The following RNF122 variants were observed in gnomAD, a reference collection of about 807,000 sequenced individuals.
RNF122 encodes the protein ring finger protein 122.
In RNF122, 17 loss-of-function variants were observed where a neutral mutation model predicts 24.2. The ratio of observed to expected loss-of-function variants is 0.70; its 90% CI spans 0.48 to 1.06. The LOEUF (loss-of-function observed/expected upper bound fraction) is 1.06, where lower values mean the gene tolerates loss of function less well. Among genes scored for constraint, RNF122 ranks in the 50% least tolerant of loss-of-function variants. RNF122 has a pLI of 0.00. For synonymous variants in RNF122, 65 were observed against 71.8 expected (o/e 0.91, Z 0.48); for missense variants, 168 against 198.1 (o/e 0.85, Z 0.91).
intron 2 of RNF122, 95 bp downstream of exon 2, chr8:33,558,520 G>T: frequency 9.5e-7 from 1 of 1,048,206 alleles, no homozygotes; most frequent in Non-Finnish European, 1.3e-6. Flanking sequence ...TAAGACTGGT[G>T]ACTCTGCTGT....
In RNF122 at chr8:33,556,095, G is replaced by T. The variant is rs147687474; in HGVS notation, c.182+2520C>A. 5.5e-3 allele frequency among the ~76,000 whole-genome samples: 826 copies of T among 150,592 alleles called. 7 individuals carry two copies. Among genetic ancestry groups the T allele is most frequent in the African/African-American group, 0.019 (761 of 40,828 alleles). The stretch of plus-strand genomic sequence containing the variant: ...CTCGGGAGACTGAGTTGGGAGGATG[G>T]CTTGGGCCCGGGAGGTGGAGGTTGC... On this transcript the variant is annotated intron_variant, in intron 2 of 5. Coordinates refer to ENST00000256257, the MANE Select transcript of RNF122 (RefSeq NM_024787.3).
intron 1 of RNF122, among the ~76,000 whole-genome samples, 198 bp from the exon 2 acceptor site, chr8:33,558,969 T>C (rs997011616): frequency 1.3e-5 from 2 of 152,150 alleles, no homozygotes; most frequent in African/African-American, 2.4e-5. Flanking sequence ...AATTGAATAC[T>C]ATCCAAAATA....
At position 33,566,926 on chromosome 8, in the gene RNF122, G is replaced by A. The variant is rs571194972; in HGVS notation, c.-203C>T. On this transcript the variant is annotated 5_prime_UTR_variant, in exon 1 of 6. Coordinates refer to ENST00000256257, the MANE Select transcript of RNF122 (RefSeq NM_024787.3). ...TCAGCCCAACAAAGAGGGACGAGGAGGAAACAAACAAAGTCCCGCGGAGCA... is the reference window on the plus strand; with the variant it reads ...TCAGCCCAACAAAGAGGGACGAGGAAGAAACAAACAAAGTCCCGCGGAGCA... 22 of 618,582 alleles carry A rather than the reference G, an allele frequency of 3.6e-5. 1 individual carries two copies. In the African/African-American group the frequency reaches 3.9e-4, roughly 11 times the overall value. 38.3% of individuals were successfully genotyped at this position (618,582 alleles called of 1,614,324 possible).
chr8:33,564,974 C>G (rs1810600096), intron 1 of RNF122, among the ~76,000 whole-genome samples: 1 of 152,236 alleles, frequency 6.6e-6, no homozygotes, highest in African/African-American at 2.4e-5. Context: ...ACAGCTGCCT[C>G]ATTTCTCCCT....
At chr8:33,559,840 GT>G (rs34393992) in intron 1 of RNF122, among the ~76,000 whole-genome samples, 67,852 of 131,366 alleles carry the variant, frequency 0.52, 17,089 homozygotes, top group African/African-American at 0.55. Flanking sequence ...GACCTACGCT[GT>G]TTTTTTTTTT....
Position 33,549,496 on chromosome 8 carries a change from CAG to C in RNF122, c.271-6_271-5del, listed in dbSNP as rs1357032107. On this transcript the variant is annotated splice_polypyrimidine_tract_variant and splice_region_variant and intron_variant, in intron 4 of 5. Coordinates refer to ENST00000256257, the MANE Select transcript of RNF122 (RefSeq NM_024787.3). ...CCAGACAGACTGCGCAGGTCTGCTG[CAG>C]AGAGAAAAGAGCAGGTGTGTGAGGA... 2 of 1,612,590 alleles carry C rather than the reference CAG, an allele frequency of 1.2e-6. No individual in the cohort carries two copies. Among genetic ancestry groups the C allele is most frequent in the South Asian group, 2.2e-5 (2 of 91,032 alleles).
chr8:33,553,070 CAAAAAA>C (rs34104851), intron 2 of RNF122, among the ~76,000 whole-genome samples: 1 of 103,468 alleles, frequency 9.7e-6, no homozygotes, highest in African/African-American at 3.6e-5. Context: ...GACCCTGTCT[CAAAAAA>C]AAAAAAAAAA....
chr8:33,561,918 C>G (rs1370316026), intron 1 of RNF122, among the ~76,000 whole-genome samples: 3 of 152,118 alleles, frequency 2.0e-5, no homozygotes, highest in Non-Finnish European at 2.9e-5. Flanking sequence ...AACATTCACC[C>G]TGTCCCTTCA....
chr8:33,563,016 G>A (rs534467617), intron 1 of RNF122, among the ~76,000 whole-genome samples: 6 of 152,054 alleles, frequency 3.9e-5, no homozygotes, highest in South Asian at 4.2e-4. Context: ...GGTTGAACCC[G>A]GGAGGCAGAG....
intron 1 of RNF122, among the ~76,000 whole-genome samples, chr8:33,565,473 G>A (rs929031845): frequency 1.3e-5 from 2 of 151,998 alleles, no homozygotes; most frequent in Non-Finnish European, 2.9e-5. Context: ...TCCAAGCATC[G>A]GAACAACGCG....
intron 1 of RNF122, among the ~76,000 whole-genome samples, chr8:33,561,625 C>T (rs1236023245): frequency 2.0e-5 from 3 of 152,044 alleles, no homozygotes; most frequent in Non-Finnish European, 4.4e-5. Context: ...TCACTGCAAC[C>T]TCTGCCTCCT....
Position 33,548,727 on chromosome 8 carries a change from T to C in RNF122, c.*26A>G, listed in dbSNP as rs899462737. On this transcript the variant is annotated 3_prime_UTR_variant, in exon 6 of 6. Coordinates refer to ENST00000256257, the MANE Select transcript of RNF122 (RefSeq NM_024787.3). Reference sequence around the variant, plus strand: ...GACATCCATGAGGCAAGAGGTCTTCTCCAGGTCTCGGTGTAGCGGCAGCAC... The same window carrying C: ...GACATCCATGAGGCAAGAGGTCTTCCCCAGGTCTCGGTGTAGCGGCAGCAC... The C allele has an allele frequency of 6.9e-7, 1 of 1,458,662 alleles. No individual in the cohort carries two copies. 90.4% of individuals were successfully genotyped at this position (1,458,662 alleles called of 1,614,324 possible). A position where few individuals can be genotyped will look rare whatever the true frequency, so the allele number is the denominator to read the frequency against.
intron 2 of RNF122, among the ~76,000 whole-genome samples, chr8:33,556,241 C>T (rs931213710): frequency 3.4e-5 from 5 of 146,994 alleles, no homozygotes; most frequent in African/African-American, 1.3e-4. Flanking sequence ...GGTTGATTTA[C>T]GAAATGAACT....
chr8:33,548,690 G>A lies in RNF122; in HGVS notation c.*63C>T. On this transcript the variant is annotated 3_prime_UTR_variant, in exon 6 of 6. Coordinates refer to ENST00000256257, the MANE Select transcript of RNF122 (RefSeq NM_024787.3). ...CTACAGTCCTGTTGGTTGGAGCTGT[G>A]CAGAGGGACCAGACATCCATGAGGC... 9.9e-7 allele frequency: 1 copy of A among 1,009,112 alleles called. No homozygotes were observed. Among genetic ancestry groups the A allele is most frequent in the Non-Finnish European group, 1.6e-6 (1 of 631,130 alleles). 62.5% of individuals were successfully genotyped at this position (1,009,112 alleles called of 1,614,324 possible). A position where few individuals can be genotyped will look rare whatever the true frequency, so the allele number is the denominator to read the frequency against.
Position 33,556,104 on chromosome 8 carries a change from CGGGAGGTGGAGGTTGCAGT to C in RNF122, c.182+2492_182+2510del, listed in dbSNP as rs534174923. 7.2e-3 allele frequency among the ~76,000 whole-genome samples: 1,011 copies of C among 140,984 alleles called. 16 individuals carry two copies. Among genetic ancestry groups the C allele is most frequent in the Non-Finnish European group, 0.01 (688 of 66,758 alleles). 92.5% of individuals were successfully genotyped at this position (140,984 alleles called of 152,430 possible). A position where few individuals can be genotyped will look rare whatever the true frequency, so the allele number is the denominator to read the frequency against. On this transcript the variant is annotated intron_variant, in intron 2 of 5. Transcript: ENST00000256257. ...CTGAGTTGGGAGGATGGCTTGGGCCCGGGAGGTGGAGGTTGCAGTGGGCCGAGATCTTACAACTGCACTC... is the reference window on the plus strand; with the variant it reads ...CTGAGTTGGGAGGATGGCTTGGGCCCGGGCCGAGATCTTACAACTGCACTC...
In RNF122 at chr8:33,558,648, A is replaced by T; in HGVS notation, c.149T>A (p.Met50Lys). 6.2e-7 allele frequency: 1 copy of T among 1,611,896 alleles called. No individual in the cohort carries two copies. The highest frequency in any genetic ancestry group is 8.5e-7 in the Non-Finnish European group (1 of 1,178,708). ...ATAGCAGCAGAAGATAAGGCTGAGC[A>T]TGAAGACAAAGATGCCTGTGCCGAA... ...VIFGTGIFVF[M>K]LSLIFCCYFI... Residue 50 changes from methionine to lysine, a missense_variant, in exon 2 of 6, where the codon ATG becomes AAG. Transcript: ENST00000256257.
At position 33,552,259 on chromosome 8, in the gene RNF122, T is replaced by TGTG. The variant is rs1320522476; in HGVS notation, c.183-873_183-871dup. 7.2e-5 allele frequency among the ~76,000 whole-genome samples: 11 copies of TGTG among 151,816 alleles called. No individual in the cohort carries two copies. The East Asian group carries it at 1.9e-3, about 27-fold the overall frequency. ...ACATTAAAAATACAAAATGTGCCGG[T>TGTG]GTGGTGGTGCATGCCTGTAATCCTA... On this transcript the variant is annotated intron_variant, in intron 2 of 5. Coordinates refer to ENST00000256257, the MANE Select transcript of RNF122 (RefSeq NM_024787.3).
At chr8:33,550,897 T>C in intron 4 of RNF122, 147 bp downstream of exon 4, 2 of 749,422 alleles carry the variant, frequency 2.7e-6, no homozygotes, top group South Asian at 3.1e-5. Context: ...AATTACTTGC[T>C]GAGATGTGTC....
intron 1 of RNF122, among the ~76,000 whole-genome samples, chr8:33,565,032 A>G (rs544560972): frequency 6.6e-6 from 1 of 152,330 alleles, no homozygotes; most frequent in East Asian, 1.9e-4. Flanking sequence ...CACTGACATC[A>G]GAATGTCTCA....
Sources: allele counts gnomAD v4.1 joint callset (sites outside exome capture counted in the v4.1 genomes callset), GRCh38; gene constraint gnomAD v4.1.1; transcripts MANE v1.5; gene names NCBI Gene and HGNC (gene_info 2026-07-23, HGNC 2026-07-21).